CNOT1: variants seen among roughly 807,000 people sequenced by gnomAD.
The protein encoded by CNOT1 is CCR4-associated factor 1.
Under a neutral mutation model 273.8 loss-of-function variants are expected in CNOT1, and 15 were observed. The observed-to-expected ratio is 0.05, with a 90% CI of 0.04 to 0.08. CNOT1 has a LOEUF of 0.08. Among genes scored for constraint, CNOT1 ranks in the 10% least tolerant of loss-of-function variants. CNOT1 has a pLI of 1.00. For missense variants in CNOT1, 1,644 were observed against 2,912.2 expected, an observed-to-expected ratio of 0.56 and a Z score of 10.02; for synonymous variants, 1,022 against 1,005.5, an observed-to-expected ratio of 1.02 and a Z score of -0.31.
intron 1 of CNOT1, among the ~76,000 whole-genome samples, chr16:58,620,653 TAAAAAAAAAAAAA>T (rs200053031): frequency 9.4e-6 from 1 of 106,830 alleles, no homozygotes; most frequent in African/African-American, 3.7e-5. Context: ...CTGTCTCATT[TAAAAAAAAAAAAA>T]AAAAAAAAAA....
chr16:58,556,131 T>A (rs1217585055), intron 19 of CNOT1, among the ~76,000 whole-genome samples: 1 of 152,238 alleles, frequency 6.6e-6, no homozygotes, highest in Non-Finnish European at 1.5e-5. Flanking sequence ...ATTATCTTCA[T>A]CAGGACTTAT....
intron 1 of CNOT1, among the ~76,000 whole-genome samples, chr16:58,623,023 C>A (rs2043410305): frequency 6.6e-6 from 1 of 151,886 alleles, no homozygotes; most frequent in Non-Finnish European, 1.5e-5. Context: ...TATGGCAAAA[C>A]CCCGTCTCTA....
chr16:58,555,104 AG>A, intron 21 of CNOT1, 146 bp downstream of exon 21: 2 of 1,152,054 alleles, frequency 1.7e-6, no homozygotes, highest in Non-Finnish European at 2.4e-6. Flanking sequence ...GCTACTCAGG[AG>A]GCTGAAGTGG....
chr16:58,608,438 C>A (rs1442064992), intron 1 of CNOT1, among the ~76,000 whole-genome samples: 1 of 151,576 alleles, frequency 6.6e-6, no homozygotes, highest in Admixed American at 6.6e-5. Flanking sequence ...GCCTGTAATA[C>A]CAGCTACTCG....
At chr16:58,569,527 C>A (rs540551281) in intron 16 of CNOT1, among the ~76,000 whole-genome samples, 16 of 148,976 alleles carry the variant, frequency 1.1e-4, no homozygotes, top group Non-Finnish European at 1.3e-4. Context: ...AAAAAAAAAA[C>A]CAAAAAACAG....
intron 16 of CNOT1, among the ~76,000 whole-genome samples, chr16:58,568,161 G>A (rs112412326): frequency 0.32 from 48,167 of 151,930 alleles, 9,636 homozygotes; most frequent in Non-Finnish European, 0.45. Flanking sequence ...GAGGTCGGGA[G>A]TTTGAGACCA....
At chr16:58,545,561 A>G in intron 29 of CNOT1, 70 bp from the exon 30 acceptor site, 1 of 1,594,578 alleles carries the variant, frequency 6.3e-7, no homozygotes. Context: ...TTAGCTTAAT[A>G]TCATTAAGTG....
chr16:58,582,647 G>A, intron 10 of CNOT1, 146 bp downstream of exon 10: 1 of 572,096 alleles, frequency 1.7e-6, no homozygotes, highest in Non-Finnish European at 3.1e-6. Context: ...TTTAAATTTG[G>A]TTACGTACTG....
intron 47 of CNOT1, 94 bp from the exon 48 acceptor site, chr16:58,521,411 T>C (rs945464507): frequency 1.2e-5 from 15 of 1,300,640 alleles, no homozygotes; most frequent in African/African-American, 3.0e-5. Context: ...TCCCTGACTA[T>C]TGAACCACAT....
chr16:58,601,045 C>T (rs182894908), intron 1 of CNOT1, among the ~76,000 whole-genome samples: 187 of 152,320 alleles, frequency 1.2e-3, no homozygotes, highest in Non-Finnish European at 2.1e-3. Flanking sequence ...ACCTCAGCCA[C>T]CTGGGTTCAA....
In CNOT1 at chr16:58,535,551, G is replaced by T. The variant is rs1203542313; in HGVS notation, c.5647-1156C>A. On this transcript the variant is annotated intron_variant, in intron 39 of 48. Transcript: ENST00000317147. ...ACATCCATACCCACGAAATAGCAAT[G>T]ATCAGAAAGACCAATGGATTCCAAT... is the stretch of plus-strand genomic sequence containing the variant. Among the ~76,000 whole-genome samples, 3 of 152,156 alleles carry T rather than the reference G, an allele frequency of 2.0e-5. No individual in the cohort carries two copies. In the East Asian group the frequency reaches 5.8e-4, roughly 29 times the overall value.
chr16:58,534,539 T>C lies in CNOT1; in HGVS notation c.5647-144A>G, dbSNP rs1597410070. ...TTCTTACATTGTAATAAATGTATTA[T>C]CAGAATTATTTTCCCATTAAGGTGC... On this transcript the variant is annotated intron_variant, in intron 39 of 48. Coordinates refer to ENST00000317147, the MANE Select transcript of CNOT1 (RefSeq NM_016284.5). 3 of 1,027,288 alleles carry C rather than the reference T, an allele frequency of 2.9e-6. No homozygotes were observed. The East Asian group carries it at 8.1e-5, about 28-fold the overall frequency. The allele number at this position is 1,027,288 out of a possible 1,614,324, so 63.6% of individuals were successfully genotyped here.
rs183953843 is a variant in CNOT1, at chr16:58,592,448, C to A, written c.103-3542G>T. ...TATAAACAAGCTGGGTGTGGTGGAG[C>A]ACAGCTATAGTCCTAACTACTGGGG... On this transcript the variant is annotated intron_variant, in intron 2 of 48. Coordinates refer to ENST00000317147, the MANE Select transcript of CNOT1 (RefSeq NM_016284.5). Among the ~76,000 whole-genome samples, 38 of 152,136 alleles carry A rather than the reference C, an allele frequency of 2.5e-4. No homozygotes were observed. The East Asian group carries it at 4.1e-3, about 16-fold the overall frequency.
chr16:58,568,500 A>G (rs1856586892), intron 16 of CNOT1, among the ~76,000 whole-genome samples: 1 of 152,116 alleles, frequency 6.6e-6, no homozygotes, highest in African/African-American at 2.4e-5. Flanking sequence ...CCTGGCCAAC[A>G]TGGTGAAACC....
chr16:58,541,875 T>C (rs1338209937), intron 33 of CNOT1, among the ~76,000 whole-genome samples: 1 of 152,220 alleles, frequency 6.6e-6, no homozygotes, highest in East Asian at 1.9e-4. Context: ...CATGGGACGA[T>C]GCCAGTGCAA....
chr16:58,565,119 CAT>C (rs912696194), intron 16 of CNOT1, among the ~76,000 whole-genome samples: 1 of 152,086 alleles, frequency 6.6e-6, no homozygotes, highest in Admixed American at 6.6e-5. Flanking sequence ...TGCTTCACTA[CAT>C]GTTTTCTTCT....
chr16:58,543,075 AGAGT>A, intron 31 of CNOT1: 2 of 1,204,922 alleles, frequency 1.7e-6, no homozygotes, highest in Non-Finnish European at 2.1e-6. Flanking sequence ...CCTAAGCTAC[AGAGT>A]GAGACCCTGT....
chr16:58,614,391 G>A (rs1056923495), intron 1 of CNOT1, among the ~76,000 whole-genome samples: 1 of 124,882 alleles, frequency 8.0e-6, no homozygotes, highest in African/African-American at 2.7e-5. Flanking sequence ...GATGAACACC[G>A]GCTTTCTATC....
At chr16:58,557,656 T>C (rs1222096336) in intron 18 of CNOT1, among the ~76,000 whole-genome samples, 1 of 152,134 alleles carries the variant, frequency 6.6e-6, no homozygotes, top group East Asian at 1.9e-4. Context: ...ATAGCTTTTA[T>C]TTCAATGTAA....
Sources: allele counts gnomAD v4.1 joint callset (sites outside exome capture counted in the v4.1 genomes callset), GRCh38; gene constraint gnomAD v4.1.1; transcripts MANE v1.5; gene names NCBI Gene and HGNC (gene_info 2026-07-23, HGNC 2026-07-21).